The following ASB17 variants were observed in gnomAD, a reference collection of about 807,000 sequenced individuals.
The protein encoded by ASB17 is ankyrin repeat and SOCS box containing 17, also known as ankyrin repeat and SOCS box protein 17.
In ASB17, 26 loss-of-function variants were observed where a neutral mutation model predicts 25.7. The observed-to-expected ratio is 1.01, with a 90% CI of 0.74 to 1.40. ASB17 has a LOEUF of 1.40. Ranked by LOEUF, ASB17 falls within the 40% of genes most tolerant of loss-of-function variation. The pLI is 0.00. For missense variants in ASB17, 326 were observed against 338.5 expected (o/e 0.96, Z 0.29); for synonymous variants, 128 against 121.4 (o/e 1.05, Z -0.36).
intron 1 of ASB17, among the ~76,000 whole-genome samples, chr1:75,928,047 C>T (rs1653218512): frequency 6.6e-6 from 1 of 152,134 alleles, no homozygotes; most frequent in African/African-American, 2.4e-5. Context: ...TACATGTCTT[C>T]AAGGGAAAGA....
rs147844811 is a variant in ASB17, at chr1:75,927,052, T to C, written c.402-4693A>G. ...AGTGCAGAGAATGTTGGAAGCAGAG[T>C]CAATGAATAAGATATGATGATATTA... On this transcript the variant is annotated intron_variant, in intron 1 of 2. Transcript: ENST00000284142. 1.3e-3 allele frequency among the ~76,000 whole-genome samples: 198 copies of C among 152,056 alleles called. 1 individual carries two copies. The highest frequency in any genetic ancestry group is 1.6e-3 in the Non-Finnish European group (111 of 67,972).
In ASB17 at chr1:75,932,194, T is replaced by G; in HGVS notation, c.98A>C (p.Gln33Pro). The G allele has an allele frequency of 6.2e-7, 1 of 1,614,098 alleles. No individual in the cohort carries two copies. Among genetic ancestry groups the G allele is most frequent in the Non-Finnish European group, 8.5e-7 (1 of 1,179,988 alleles). ...LDKIVKRPSL[Q>P]FLGQWGYHCY... ...GTGATATCCCCACTGACCCAAAAACTGTAGGGAGGGTCTTTTAACAATTTT... is the reference window on the plus strand; with the variant it reads ...GTGATATCCCCACTGACCCAAAAACGGTAGGGAGGGTCTTTTAACAATTTT... The change falls in exon 1 of 3, where the codon CAG (glutamine) becomes CCG (proline). Residue 33 changes from glutamine (Q) to proline (P), a missense_variant. Transcript: ENST00000284142.
Position 75,931,945 on chromosome 1 carries a change from T to C in ASB17, c.347A>G (p.Lys116Arg), listed in dbSNP as rs772732746. The part of the protein sequence containing the change: ...GNPDFVELLL[K>R]KTKDYVQDRS... Reference sequence around the variant, plus strand: ...GTCTTGAACATAGTCTTTTGTCTTCTTGAGAAGCAATTCCACAAAGTCAGG... The same window carrying C: ...GTCTTGAACATAGTCTTTTGTCTTCCTGAGAAGCAATTCCACAAAGTCAGG... Residue 116 changes from lysine (K) to arginine (R), a missense_variant, in exon 1 of 3, where the codon AAG becomes AGG. Lys to Arg is a conservative substitution (Grantham distance 26, BLOSUM62 2). Coordinates refer to ENST00000284142, the MANE Select transcript of ASB17 (RefSeq NM_080868.3). 2 of 1,613,686 alleles carry C rather than the reference T, an allele frequency of 1.2e-6. No individual in the cohort carries two copies. Among genetic ancestry groups the C allele is most frequent in the Non-Finnish European group, 1.7e-6 (2 of 1,179,840 alleles).
In ASB17 at chr1:75,919,110, A is replaced by G. The variant is rs1231550573; in HGVS notation, c.730T>C (p.Tyr244His). 6.2e-7 allele frequency: 1 copy of G among 1,613,186 alleles called. No individual in the cohort carries two copies. The highest frequency in any genetic ancestry group is 8.5e-7 in the Non-Finnish European group (1 of 1,179,556). Residue 244 changes from tyrosine (Y) to histidine (H), a missense_variant, in exon 3 of 3, where the codon TAC becomes CAC. Transcript: ENST00000284142. ...RHPIISNWFD[Y>H]IPSTRYKDPC... Reference sequence around the variant, plus strand: ...TCTTTGTATCTTGTTGAAGGAATGTAATCAAACCAATTTGAAATAATTGGA... The same window carrying G: ...TCTTTGTATCTTGTTGAAGGAATGTGATCAAACCAATTTGAAATAATTGGA...
intron 1 of ASB17, 136 bp from the exon 2 acceptor site, chr1:75,922,495 T>TC (rs1369020474): frequency 1.9e-6 from 1 of 540,368 alleles, no homozygotes; most frequent in Non-Finnish European, 2.7e-6. Context: ...TTTCTTTTTT[T>TC]TTTTTTTTTT....
intron 2 of ASB17, among the ~76,000 whole-genome samples, chr1:75,920,329 C>G (rs1652994039): frequency 6.6e-6 from 1 of 152,204 alleles, no homozygotes; most frequent in African/African-American, 2.4e-5. Context: ...ATATTCTCCA[C>G]TAGAACATAT....
chr1:75,922,218 A>G lies in ASB17; in HGVS notation c.543T>C (p.Ile181=), dbSNP rs1453878192. 2.0e-5 allele frequency: 33 copies of G among 1,613,736 alleles called. No homozygotes were observed. The highest frequency in any genetic ancestry group is 2.5e-5 in the Non-Finnish European group (30 of 1,179,850). ...ILEREKNPIN[I]VLTIVLYPSR... is the part of the protein sequence containing the mutation. ...AAGGGTAGAGTACTATTGTTAAGAC[A>G]ATGTTGATAGGGTTTTTTTCTCTTT... is the stretch of plus-strand genomic sequence containing the variant. Residue 181 remains isoleucine (I), a synonymous_variant, in exon 2 of 3, where the codon ATT becomes ATC. Coordinates refer to ENST00000284142, the MANE Select transcript of ASB17 (RefSeq NM_080868.3).
intron 1 of ASB17, among the ~76,000 whole-genome samples, chr1:75,931,636 T>C (rs536931547): frequency 6.6e-6 from 1 of 152,298 alleles, no homozygotes; most frequent in Non-Finnish European, 1.5e-5. Flanking sequence ...TAGAGAAACA[T>C]GTTGTTTAGC....
At chr1:75,920,353 C>T (rs1487612316) in intron 2 of ASB17, among the ~76,000 whole-genome samples, 1 of 152,176 alleles carries the variant, frequency 6.6e-6, no homozygotes. Context: ...CCACAGGCTA[C>T]ATGATACTAT....
In ASB17 at chr1:75,920,975, C is replaced by T. The variant is rs189774134; in HGVS notation, c.681+1105G>A. Among the ~76,000 whole-genome samples the T allele has an allele frequency of 3.5e-3, 536 of 152,138 alleles. 3 individuals carry two copies. Among genetic ancestry groups the T allele is most frequent in the African/African-American group, 0.012 (517 of 41,518 alleles). ...ATTTTTAGTAGAGACGGGGTTTCAC[C>T]TTGTTAGCCAGGATGGTCTCGATCT... On this transcript the variant is annotated intron_variant, in intron 2 of 2. Coordinates refer to ENST00000284142, the MANE Select transcript of ASB17 (RefSeq NM_080868.3).
intron 2 of ASB17, among the ~76,000 whole-genome samples, chr1:75,921,566 G>T (rs1653029014): frequency 6.6e-6 from 1 of 152,136 alleles, no homozygotes; most frequent in South Asian, 2.1e-4. Context: ...CAGAAACTTT[G>T]TAAAGAAGGT....
intron 1 of ASB17, among the ~76,000 whole-genome samples, 200 bp from the exon 2 acceptor site, chr1:75,922,559 C>T (rs1653063311): frequency 7.9e-6 from 1 of 127,374 alleles, no homozygotes; most frequent in Admixed American, 1.0e-4. Context: ...TGCAAAGGCA[C>T]GATCTCTGCT....
At chr1:75,924,923 C>T (rs981844283) in intron 1 of ASB17, among the ~76,000 whole-genome samples, 3 of 152,012 alleles carry the variant, frequency 2.0e-5, no homozygotes, top group Admixed American at 2.0e-4. Context: ...CCTCAGGGCA[C>T]TTTGTACCTA....
intron 1 of ASB17, among the ~76,000 whole-genome samples, chr1:75,931,604 C>A (rs1171362737): frequency 6.6e-6 from 1 of 152,090 alleles, no homozygotes; most frequent in African/African-American, 2.4e-5. Flanking sequence ...TAGTATTACA[C>A]AACATAGTGT....
rs1237688275 is a variant in ASB17 at position 75,919,212 on chromosome 1, C to A, written c.682-54G>T. 8.5e-6 allele frequency: 10 copies of A among 1,181,782 alleles called. No individual in the cohort carries two copies. In the East Asian group the frequency reaches 1.6e-4, roughly 18 times the overall value. The allele number at this position is 1,181,782 out of a possible 1,614,324, so 73.2% of individuals were successfully genotyped here. ...GTAATGTTTTGTAATTTGGATTAGT[C>A]CAAATTATTAAAACTTATTTTTAAT... On this transcript the variant is annotated intron_variant, in intron 2 of 2. Coordinates refer to ENST00000284142, the MANE Select transcript of ASB17 (RefSeq NM_080868.3).
In ASB17 at chr1:75,922,115, T is replaced by TGGAAC; in HGVS notation, c.641_645dup (p.Arg216ValfsTer13). The TGGAAC allele has an allele frequency of 6.2e-7, 1 of 1,613,738 alleles. No individual in the cohort carries two copies. Among genetic ancestry groups the TGGAAC allele is most frequent in the African/African-American group, 1.3e-5 (1 of 75,050 alleles). On this transcript the variant is annotated frameshift_variant, in exon 2 of 3. Coordinates refer to ENST00000284142, the MANE Select transcript of ASB17 (RefSeq NM_080868.3). LOFTEE classifies it high-confidence loss of function. ...TTGACTGAAATGACAGAAAGCACTC[T>TGGAAC]GGAACATAGTACCAAACATGTTTTG...
At chr1:75,921,204 C>CA (rs57590243) in intron 2 of ASB17, among the ~76,000 whole-genome samples, 17 of 151,072 alleles carry the variant, frequency 1.1e-4, no homozygotes, top group Admixed American at 3.3e-4. Context: ...TCTGAAAATG[C>CA]AAAAAAAAAA....
chr1:75,925,806 A>G (rs1407843128), intron 1 of ASB17, among the ~76,000 whole-genome samples: 2 of 152,036 alleles, frequency 1.3e-5, no homozygotes, highest in African/African-American at 2.4e-5. Flanking sequence ...TTCTCCTTCA[A>G]TTTCTAGCTG....
intron 2 of ASB17, among the ~76,000 whole-genome samples, chr1:75,920,013 C>T (rs1019063949): frequency 2.6e-5 from 4 of 152,158 alleles, no homozygotes; most frequent in Admixed American, 6.5e-5. Context: ...AGAGTAGTAA[C>T]GGTCAACTTA....
Sources: allele counts gnomAD v4.1 joint callset (sites outside exome capture counted in the v4.1 genomes callset), GRCh38; gene constraint gnomAD v4.1.1; transcripts MANE v1.5; gene names NCBI Gene and HGNC (gene_info 2026-07-23, HGNC 2026-07-21).